The following ZNF423 variants were observed in gnomAD, a reference collection of about 807,000 sequenced individuals.
ZNF423 encodes the protein zinc finger protein 423.
Under a neutral mutation model 95.8 loss-of-function variants are expected in ZNF423, and 12 were observed. The ratio of observed to expected loss-of-function variants is 0.13; its 90% CI spans 0.08 to 0.20. ZNF423 has a LOEUF of 0.20. Among genes scored for constraint, ZNF423 ranks in the 10% least tolerant of loss-of-function variants. ZNF423 has a pLI of 1.00. For synonymous variants in ZNF423, 749 were observed against 711.9 expected, an observed-to-expected ratio of 1.05 and a Z score of -0.83; for missense variants, 1,316 against 1,737.1, an observed-to-expected ratio of 0.76 and a Z score of 4.31.
chr16:49,510,234 G>C (rs1432793979), intron 7 of ZNF423, among the ~76,000 whole-genome samples: 2 of 152,198 alleles, frequency 1.3e-5, no homozygotes, highest in Non-Finnish European at 2.9e-5. Context: ...CATCCCCACA[G>C]TAACCCTCCA....
At chr16:49,558,085 T>G (rs1969894237) in intron 5 of ZNF423, among the ~76,000 whole-genome samples, 1 of 152,174 alleles carries the variant, frequency 6.6e-6, no homozygotes, top group Non-Finnish European at 1.5e-5. Flanking sequence ...CAGTTTTGCT[T>G]GCAGAAAAAC....
chr16:49,750,588 C>T (rs1555481928), intron 2 of ZNF423, among the ~76,000 whole-genome samples: 1 of 152,186 alleles, frequency 6.6e-6, no homozygotes, highest in Non-Finnish European at 1.5e-5. Context: ...CATCTGTGCA[C>T]TCACAAAACA....
At chr16:49,512,178 A>G (rs1967925749) in intron 7 of ZNF423, among the ~76,000 whole-genome samples, 1 of 152,174 alleles carries the variant, frequency 6.6e-6, no homozygotes, top group Non-Finnish European at 1.5e-5. Flanking sequence ...TGTCCCCAGC[A>G]CCTATGCACA....
intron 1 of ZNF423, among the ~76,000 whole-genome samples, chr16:49,823,671 G>C (rs2034972863): frequency 6.6e-6 from 1 of 151,938 alleles, no homozygotes; most frequent in Non-Finnish European, 1.5e-5. Context: ...GAAGAAGGAG[G>C]CAGAGGAGAC....
chr16:49,595,676 C>T (rs1971158066), intron 5 of ZNF423, among the ~76,000 whole-genome samples: 1 of 152,204 alleles, frequency 6.6e-6, no homozygotes, highest in Non-Finnish European at 1.5e-5. Context: ...GAAACATCCA[C>T]CAAAATAGCA....
rs772002262 is a variant in ZNF423, at chr16:49,638,271, T to C, written c.905A>G (p.Asp302Gly). The C allele has an allele frequency of 1.2e-6, 2 of 1,613,092 alleles. No individual in the cohort carries two copies. Among genetic ancestry groups the C allele is most frequent in the Admixed American group, 3.3e-5 (2 of 60,032 alleles). Residue 302 changes from aspartate to glycine, a missense_variant, in exon 4 of 8, where the codon GAC (aspartate) becomes GGC (glycine). Transcript: ENST00000563137. This position sits in a 1 kb window ranked among gnomAD's most constrained non-coding sequence, Gnocchi z 5.6. ...TRHPQLSEKADLQCIHCPEVF... is the reference protein window; with the variant it reads ...TRHPQLSEKAGLQCIHCPEVF... ...CTCAGGGCAGTGAATGCACTGCAGG[T>C]CCGCCTTCTCGGACAGCTGCGGGTG...
intron 5 of ZNF423, among the ~76,000 whole-genome samples, chr16:49,531,750 T>C (rs1000786042): frequency 6.6e-6 from 1 of 152,096 alleles, no homozygotes; most frequent in Non-Finnish European, 1.5e-5. Flanking sequence ...GTGTCCCTTG[T>C]CAAAGGCTGG....
At chr16:49,625,493 C>A (rs1439129323) in intron 5 of ZNF423, among the ~76,000 whole-genome samples, 1 of 152,218 alleles carries the variant, frequency 6.6e-6, no homozygotes, top group Non-Finnish European at 1.5e-5. Context: ...GGCCCCAGCC[C>A]ATCCCAGGCC....
chr16:49,525,084 G>C (rs1034091390), intron 6 of ZNF423, among the ~76,000 whole-genome samples: 1 of 152,224 alleles, frequency 6.6e-6, no homozygotes, highest in Non-Finnish European at 1.5e-5. Context: ...GTTGGACAAA[G>C]GGCTTCTAGC....
At chr16:49,719,967 C>A (rs1485405655) in intron 3 of ZNF423, among the ~76,000 whole-genome samples, 1 of 152,194 alleles carries the variant, frequency 6.6e-6, no homozygotes, top group East Asian at 1.9e-4. Context: ...AAGGCTCCGA[C>A]TAACTTGGTG....
At chr16:49,567,411 AG>A (rs1970227030) in intron 5 of ZNF423, among the ~76,000 whole-genome samples, 1 of 152,216 alleles carries the variant, frequency 6.6e-6, no homozygotes, top group African/African-American at 2.4e-5. Flanking sequence ...AACAGGGGTG[AG>A]CTTTGGGTTT....
At chr16:49,509,189 CA>C (rs1480432862) in intron 7 of ZNF423, among the ~76,000 whole-genome samples, 1 of 152,094 alleles carries the variant, frequency 6.6e-6, no homozygotes, top group Non-Finnish European at 1.5e-5. Flanking sequence ...GATTTTAGCC[CA>C]AATGGCCCTG....
intron 2 of ZNF423, among the ~76,000 whole-genome samples, chr16:49,781,115 C>T (rs938649116): frequency 2.0e-5 from 3 of 151,996 alleles, no homozygotes; most frequent in South Asian, 2.1e-4. Flanking sequence ...TGAGACCCAG[C>T]GGGGAGCAAT....
At chr16:49,666,441 G>A (rs762700325) in intron 3 of ZNF423, among the ~76,000 whole-genome samples, 1 of 152,104 alleles carries the variant, frequency 6.6e-6, no homozygotes, top group African/African-American at 2.4e-5. Flanking sequence ...ACATGATCAC[G>A]TATTAAACCA....
chr16:49,532,771 G>C (rs1968900921), intron 5 of ZNF423, among the ~76,000 whole-genome samples: 1 of 152,134 alleles, frequency 6.6e-6, no homozygotes, highest in African/African-American at 2.4e-5. Context: ...TTGGGGCCAG[G>C]GCTTGAAATC....
Position 49,638,094 on chromosome 16 carries a change from T to C in ZNF423, c.1082A>G (p.His361Arg). The part of the protein sequence containing the change: ...DSHRQPDSSN[H>R]SVSPDPVLGS... Reference sequence around the variant, plus strand: ...CAGTACAGGGTCGGGACTGACACTGTGGTTGCTGGAGTCGGGCTGCCGGTG... The same window carrying C: ...CAGTACAGGGTCGGGACTGACACTGCGGTTGCTGGAGTCGGGCTGCCGGTG... Residue 361 changes from histidine (H) to arginine (R), a missense_variant, in exon 4 of 8, where the codon CAC becomes CGC. By Grantham distance (29) the His-to-Arg change is conservative. This residue lies in a region of ZNF423 where 399 missense variants were observed against 478.5 expected (regional missense o/e 0.83). Transcript: ENST00000563137. This position sits in a 1 kb window ranked among gnomAD's most constrained non-coding sequence, Gnocchi z 5.6. The C allele has an allele frequency of 6.2e-7, 1 of 1,613,768 alleles. No homozygotes were observed. Among genetic ancestry groups the C allele is most frequent in the Non-Finnish European group, 8.5e-7 (1 of 1,179,954 alleles).
At chr16:49,685,314 T>G (rs1390585728) in intron 3 of ZNF423, among the ~76,000 whole-genome samples, 1 of 152,176 alleles carries the variant, frequency 6.6e-6, no homozygotes, top group Non-Finnish European at 1.5e-5. Context: ...GCACCTACTG[T>G]GTGCCAGGCA....
At chr16:49,813,731 G>T (rs2034792211) in intron 1 of ZNF423, among the ~76,000 whole-genome samples, 1 of 152,206 alleles carries the variant, frequency 6.6e-6, no homozygotes, top group East Asian at 1.9e-4. Context: ...AAGTTGTCCA[G>T]AGTTGGCTTC....
At chr16:49,704,745 ACACAC>A (rs899565221) in intron 3 of ZNF423, among the ~76,000 whole-genome samples, 2 of 152,174 alleles carry the variant, frequency 1.3e-5, no homozygotes, top group African/African-American at 4.8e-5. Flanking sequence ...GAGCACACAC[ACACAC>A]CAGACTCCCA....
Sources: allele counts gnomAD v4.1 joint callset (sites outside exome capture counted in the v4.1 genomes callset), GRCh38; gene constraint gnomAD v4.1.1; regional missense constraint gnomAD v4.1.1; non-coding constraint Gnocchi (gnomAD v3.1); transcripts MANE v1.5; gene names NCBI Gene and HGNC (gene_info 2026-07-23, HGNC 2026-07-21).